The following ZNF688 variants were observed in gnomAD, a reference collection of about 807,000 sequenced individuals.
ZNF688 encodes zinc finger protein 688.
Under a neutral mutation model 13.2 loss-of-function variants are expected in ZNF688, and 10 were observed. That is an observed-to-expected ratio of 0.76 (90% CI 0.47 to 1.28). The LOEUF (loss-of-function observed/expected upper bound fraction) is 1.28, where lower values mean the gene tolerates loss of function less well. Among genes scored for constraint, ZNF688 ranks in the 50% most tolerant of loss-of-function variants. The pLI, the probability that ZNF688 is intolerant of heterozygous loss-of-function variation, is 0.00. For missense variants in ZNF688, 381 were observed against 391.4 expected (o/e 0.97, Z 0.22); for synonymous variants, 160 against 159.4 (o/e 1.00, Z -0.03).
At chr16:30,575,674 G>A (rs1278210785), upstream of ZNF688, among the ~76,000 whole-genome samples, 1 of 149,284 alleles carries the variant, frequency 6.7e-6, no homozygotes, top group Non-Finnish European at 1.5e-5. Context: ...TTTTTTTTTG[G>A]AGAAGGAGTT....
the ZNF688 span, chr16:30,579,666 C>T: frequency 2.5e-6 from 1 of 403,314 alleles, no homozygotes; most frequent in African/African-American, 2.1e-5. Context: ...AGGTGTGAGC[C>T]ACCGTGCCCG....
Position 30,571,241 on chromosome 16 carries a change from T to G in ZNF688, c.197-118A>C, listed in dbSNP as rs867366930. The G allele has an allele frequency of 1.7e-5, 26 of 1,538,390 alleles. No individual in the cohort carries two copies. In the Middle Eastern group the frequency reaches 5.0e-4, roughly 30 times the overall value. ...ATACTCAACCTGGAAGGGGCTGCAG[T>G]GCTGCTGCCTGAATGAAATGGATGC... On this transcript the variant is annotated intron_variant, in intron 1 of 2. Transcript: ENST00000223459.
the ZNF688 span, chr16:30,579,887 T>G: frequency 2.2e-6 from 1 of 454,486 alleles, no homozygotes; most frequent in Non-Finnish European, 4.4e-6. Context: ...TGTTGTTTTT[T>G]GTTTTGTTTT....
chr16:30,575,801 C>T (rs920731546), upstream of ZNF688, among the ~76,000 whole-genome samples: 5 of 152,022 alleles, frequency 3.3e-5, no homozygotes, highest in East Asian at 1.9e-4. Context: ...GGATTACAGG[C>T]GCGTGCCACC....
chr16:30,573,721 G>T, upstream of ZNF688: 1 of 173,216 alleles, frequency 5.8e-6, no homozygotes, highest in South Asian at 1.2e-4. Context: ...GCCTACCCTT[G>T]CTGTTTTTCA....
chr16:30,573,140 C>T (rs1007119688), upstream of ZNF688, among the ~76,000 whole-genome samples: 3 of 152,192 alleles, frequency 2.0e-5, no homozygotes, highest in Non-Finnish European at 4.4e-5. Flanking sequence ...CTCCCGACCT[C>T]AGGTGATCCT....
chr16:30,577,358 T>G (rs563315600), upstream of ZNF688, among the ~76,000 whole-genome samples: 1 of 152,102 alleles, frequency 6.6e-6, no homozygotes, highest in South Asian at 2.1e-4. Flanking sequence ...AATAAAAATA[T>G]TAACTAAACA....
intron 1 of ZNF688, 146 bp downstream of exon 1, chr16:30,571,288 G>T: frequency 6.5e-7 from 1 of 1,537,844 alleles, no homozygotes; most frequent in Non-Finnish European, 8.7e-7. Context: ...CTCCCGAGGG[G>T]GTACCTGAAG....
In ZNF688 at chr16:30,570,501, T is replaced by C. The variant is rs867058164; in HGVS notation, c.311-65A>G. 7.2e-6 allele frequency: 11 copies of C among 1,535,438 alleles called. No individual in the cohort carries two copies. The Middle Eastern group carries it at 1.9e-3, about 266-fold the overall frequency. The stretch of plus-strand genomic sequence containing the variant: ...GCACAGACTGTCTCAGGTTATAGAA[T>C]GCTTTTCACTTAAGGCAGTGAGGGA... On this transcript the variant is annotated intron_variant, in intron 2 of 2. Coordinates refer to ENST00000223459, the MANE Select transcript of ZNF688 (RefSeq NM_145271.4).
At chr16:30,573,616 G>A (rs1483839704), upstream of ZNF688, 1 of 160,340 alleles carries the variant, frequency 6.2e-6, no homozygotes, top group East Asian at 1.8e-4. Flanking sequence ...TACTTGCTTG[G>A]CTCCCCTGCC....
upstream of ZNF688, among the ~76,000 whole-genome samples, chr16:30,576,541 T>C (rs1340380491): frequency 6.6e-6 from 1 of 151,910 alleles, no homozygotes; most frequent in Non-Finnish European, 1.5e-5. Context: ...TTAGTAGAGA[T>C]GGAGTTTCAC....
In ZNF688 at chr16:30,569,935, A is replaced by G; in HGVS notation, c.812T>C (p.Ile271Thr). The G allele has an allele frequency of 2.6e-6, 4 of 1,557,632 alleles. No homozygotes were observed. Among genetic ancestry groups the G allele is most frequent in the Non-Finnish European group, 3.5e-6 (4 of 1,152,636 alleles). ...TGCCGCTCAGCCGCACTCCTCGAAG[A>G]TGTCTGGGTAGTGCCGGAAGAGCAC... ...PPVLFRHYPD[I>T]FEECG The change falls in exon 3 of 3, where the codon ATC becomes ACC. Residue 271 changes from isoleucine to threonine, a missense_variant. By Grantham distance (89) the Ile-to-Thr change is moderately conservative. Transcript: ENST00000223459.
At chr16:30,571,715 G>A (rs984340666), upstream of ZNF688, 6 of 1,348,342 alleles carry the variant, frequency 4.4e-6, no homozygotes, top group Non-Finnish European at 5.7e-6. Context: ...TTGTCCACAG[G>A]AAGGGCGGCC....
the ZNF688 span, chr16:30,578,910 G>A: frequency 2.0e-5 from 3 of 149,378 alleles, no homozygotes; most frequent in African/African-American, 7.4e-5. Context: ...TCAAACTCCT[G>A]GGCTCAAGCT....
chr16:30,572,321 C>T (rs372917208), upstream of ZNF688: 1 of 1,398,562 alleles, frequency 7.2e-7, no homozygotes, highest in Non-Finnish European at 9.4e-7. Flanking sequence ...TACCGTGCCT[C>T]CCGATGGCGG....
At position 30,571,673 on chromosome 16, in the gene ZNF688, C is replaced by T. The variant is rs895650947; in HGVS notation, c.-44G>A. The T allele has an allele frequency of 1.0e-5, 14 of 1,360,262 alleles. No individual in the cohort carries two copies. The highest frequency in any genetic ancestry group is 3.0e-5 in the East Asian group (1 of 32,900). 84.3% of individuals were successfully genotyped at this position (1,360,262 alleles called of 1,614,324 possible). ...TCGGCGGCCGCCAGGTCCCTGGAGC[C>T]GCCGCCTCCCCGCTCCCGGCCTCAG... On this transcript the variant is annotated 5_prime_UTR_variant, in exon 1 of 3. Transcript: ENST00000223459.
chr16:30,576,272 C>T (rs143490061), upstream of ZNF688, among the ~76,000 whole-genome samples: 1,617 of 152,214 alleles, frequency 0.011, 33 homozygotes, highest in African/African-American at 0.037. Flanking sequence ...AGTGCAGTGG[C>T]GCGATCTTGG....
chr16:30,575,587 ATT>A (rs2151233510), upstream of ZNF688, among the ~76,000 whole-genome samples: 1 of 149,260 alleles, frequency 6.7e-6, no homozygotes, highest in East Asian at 2.0e-4. Flanking sequence ...ACATCTCCAT[ATT>A]GTTTTCAGTA....
At chr16:30,573,505 A>G (rs535838158), upstream of ZNF688, among the ~76,000 whole-genome samples, 14 of 152,288 alleles carry the variant, frequency 9.2e-5, no homozygotes, top group East Asian at 2.7e-3. Flanking sequence ...TATACCTGCA[A>G]TCATACAGGA....
Sources: allele counts gnomAD v4.1 joint callset (sites outside exome capture counted in the v4.1 genomes callset), GRCh38; gene constraint gnomAD v4.1.1; transcripts MANE v1.5; gene names NCBI Gene and HGNC (gene_info 2026-07-23, HGNC 2026-07-21).